TICRR: variants seen among roughly 807,000 people sequenced by gnomAD.
TICRR encodes the protein treslin.
TICRR carries 132 observed loss-of-function variants against 178.1 expected under a neutral mutation model. That is an observed-to-expected ratio of 0.74 (90% confidence interval 0.64 to 0.86). The LOEUF is 0.86. TICRR is among the 40% of genes least tolerant of loss of function. The probability of loss-of-function intolerance (pLI) is 0.00; values close to 1 mark genes in which losing one functional copy is unlikely to be tolerated. For synonymous variants in TICRR, 991 were observed against 900.7 expected (o/e 1.10, Z -1.79); for missense variants, 2,587 against 2,334.3 (o/e 1.11, Z -2.23).
intron 1 of TICRR, among the ~76,000 whole-genome samples, chr15:89,580,320 G>A (rs892851232): frequency 5.3e-5 from 8 of 152,270 alleles, no homozygotes; most frequent in African/African-American, 1.7e-4. Context: ...CACCACAACC[G>A]GCCATAAAGT....
Position 89,619,221 on chromosome 15 carries a change from C to CTTTTTTTTTTTT in TICRR, c.3020-479_3020-468dup, listed in dbSNP as rs386383750. Reference sequence around the variant, plus strand: ...CTTGTTTTCGCCCTACACCATTCTTCTTTTTTTTTTTTTTTTTTTGGTGAG... The same window carrying CTTTTTTTTTTTT: ...CTTGTTTTCGCCCTACACCATTCTTCTTTTTTTTTTTTTTTTTTTTTTTTTTTTTTTGGTGAG... On this transcript the variant is annotated intron_variant, in intron 17 of 21. Transcript: ENST00000268138. Among the ~76,000 whole-genome samples the CTTTTTTTTTTTT allele has an allele frequency of 1.3e-4, 14 of 111,994 alleles. 1 individual carries two copies. Among genetic ancestry groups the CTTTTTTTTTTTT allele is most frequent in the African/African-American group, 2.1e-4 (6 of 28,442 alleles). 73.5% of individuals were successfully genotyped at this position (111,994 alleles called of 152,430 possible). A position where few individuals can be genotyped will look rare whatever the true frequency, so the allele number is the denominator to read the frequency against.
intron 15 of TICRR, among the ~76,000 whole-genome samples, chr15:89,609,153 C>A (rs1289907375): frequency 9.3e-6 from 1 of 107,692 alleles, no homozygotes; most frequent in East Asian, 2.8e-4. Context: ...CTCTATCACC[C>A]AGGTTGGAGT....
At position 89,624,026 on chromosome 15, in the gene TICRR, AGT is replaced by A. The variant is rs1963468308; in HGVS notation, c.3719_3720del (p.Cys1240SerfsTer47). On this transcript the variant is annotated frameshift_variant, in exon 20 of 22. Coordinates refer to ENST00000268138, the MANE Select transcript of TICRR (RefSeq NM_152259.4). LOFTEE classifies it high-confidence loss of function. ...TCATCGACTGCCCAGCCCAGGAGAGAGTGTCTCACTCCCATCAGAGACCCTCT... is the reference window on the plus strand; with the variant it reads ...TCATCGACTGCCCAGCCCAGGAGAGAGTCTCACTCCCATCAGAGACCCTCT... 1 of 1,613,780 alleles carries A rather than the reference AGT, an allele frequency of 6.2e-7. No individual in the cohort carries two copies. The highest frequency in any genetic ancestry group is 8.5e-7 in the Non-Finnish European group (1 of 1,179,994).
chr15:89,609,046 C>T, intron 15 of TICRR, 97 bp downstream of exon 15: 3 of 992,450 alleles, frequency 3.0e-6, no homozygotes, highest in South Asian at 4.1e-5. Context: ...TAATTTGAGT[C>T]TTCTTCCCTC....
In TICRR at chr15:89,625,338, G is replaced by C; in HGVS notation, c.5028G>C (p.Lys1676Asn). Residue 1676 changes from lysine to asparagine, a missense_variant, in exon 20 of 22, where the codon AAG becomes AAC. By Grantham distance (94) the Lys-to-Asn change is moderately conservative (BLOSUM62 0). Coordinates refer to ENST00000268138, the MANE Select transcript of TICRR (RefSeq NM_152259.4). ...CACCATCCCCCAAGCACAGTGGGAA[G>C]ACAACTCCAGACATAATTAAAGACT... ...PWTPSPKHSG[K>N]TTPDIIKDWP... 6.2e-7 allele frequency: 1 copy of C among 1,614,096 alleles called. No homozygotes were observed. The highest frequency in any genetic ancestry group is 8.5e-7 in the Non-Finnish European group (1 of 1,180,036).
chr15:89,590,642 T>C (rs778703112), intron 4 of TICRR, among the ~76,000 whole-genome samples: 19 of 152,218 alleles, frequency 1.2e-4, no homozygotes, highest in Non-Finnish European at 2.6e-4. Context: ...GCCCAAATAC[T>C]GCATTCTCCA....
At position 89,618,280 on chromosome 15, in the gene TICRR, G is replaced by A. The variant is rs879018113; in HGVS notation, c.3019+70G>A. 8 of 1,380,958 alleles carry A rather than the reference G, an allele frequency of 5.8e-6. No homozygotes were observed. The South Asian group carries it at 5.8e-5, about 10-fold the overall frequency. The allele number at this position is 1,380,958 out of a possible 1,614,324, so 85.5% of individuals were successfully genotyped here. On this transcript the variant is annotated intron_variant, in intron 17 of 21. Coordinates refer to ENST00000268138, the MANE Select transcript of TICRR (RefSeq NM_152259.4). ...CTATGAAAACCTTTCTGTATGTATTGTTACTTGGCATATCCTAAGATATTT... is the reference window on the plus strand; with the variant it reads ...CTATGAAAACCTTTCTGTATGTATTATTACTTGGCATATCCTAAGATATTT...
Position 89,627,518 on chromosome 15 carries a change from C to T in TICRR, c.*432C>T, listed in dbSNP as rs749641149. On this transcript the variant is annotated 3_prime_UTR_variant, in exon 22 of 22. Transcript: ENST00000268138. ...GCTTTGTAAACTGTGAAGCCATATA[C>T]GTGAAACTGAAGAGTGCATTGGGCA... The T allele has an allele frequency of 9.2e-5, 16 of 174,508 alleles. No homozygotes were observed. The highest frequency in any genetic ancestry group is 1.7e-4 in the African/African-American group (7 of 42,132). The allele number at this position is 174,508 out of a possible 1,614,324, so 10.8% of individuals were successfully genotyped here.
chr15:89,584,262 G>A, intron 2 of TICRR, 24 bp from the exon 3 acceptor site: 1 of 1,567,210 alleles, frequency 6.4e-7, no homozygotes, highest in Non-Finnish European at 8.6e-7. Flanking sequence ...TTGGCATCCT[G>A]GTCTAATTAA....
In TICRR at chr15:89,602,219, T is replaced by C. The variant is rs548072698; in HGVS notation, c.2567+243T>C. ...ACAGGGATACATCCTGAGAAATGCATTGTTAGGCAATTTTTGTTGTACTAA... is the reference window on the plus strand; with the variant it reads ...ACAGGGATACATCCTGAGAAATGCACTGTTAGGCAATTTTTGTTGTACTAA... On this transcript the variant is annotated intron_variant, in intron 12 of 21. Transcript: ENST00000268138. Among the ~76,000 whole-genome samples the C allele has an allele frequency of 1.1e-4, 17 of 152,364 alleles. No individual in the cohort carries two copies. In the South Asian group the frequency reaches 3.5e-3, roughly 32 times the overall value.
intron 15 of TICRR, among the ~76,000 whole-genome samples, chr15:89,611,982 G>GT (rs1963262872): frequency 6.6e-6 from 1 of 152,012 alleles, no homozygotes; most frequent in Non-Finnish European, 1.5e-5. Flanking sequence ...CTTAGTGACG[G>GT]TTTTTGCCAA....
intron 19 of TICRR, 91 bp from the exon 20 acceptor site, chr15:89,623,532 A>C: frequency 7.7e-7 from 1 of 1,290,558 alleles, no homozygotes; most frequent in Non-Finnish European, 1.1e-6. Context: ...GCTGACTATA[A>C]ATCTCCCATT....
chr15:89,619,595 G>A (rs2141979714), intron 17 of TICRR, 113 bp from the exon 18 acceptor site: 1 of 1,155,812 alleles, frequency 8.7e-7, no homozygotes, highest in Non-Finnish European at 1.2e-6. Flanking sequence ...ATAGCTTGCT[G>A]AATTTCCATC....
intron 4 of TICRR, among the ~76,000 whole-genome samples, chr15:89,591,021 A>G (rs1019625128): frequency 2.0e-5 from 3 of 152,172 alleles, no homozygotes; most frequent in African/African-American, 7.2e-5. Flanking sequence ...ACACTCCCCA[A>G]TACAGAGCCA....
chr15:89,598,151 T>TTGTTTG (rs58858687), intron 7 of TICRR, among the ~76,000 whole-genome samples: 128 of 151,106 alleles, frequency 8.5e-4, no homozygotes, highest in East Asian at 4.3e-3. Context: ...TGTTTGTTTT[T>TTGTTTG]TTTAGTAGAG....
intron 18 of TICRR, 129 bp downstream of exon 18, chr15:89,619,971 G>A: frequency 2.7e-6 from 3 of 1,131,888 alleles, no homozygotes. Flanking sequence ...ATGTCTAGTT[G>A]AGGTTCAGGG....
chr15:89,616,640 C>T (rs1963340747), intron 16 of TICRR, 145 bp downstream of exon 16: 2 of 629,756 alleles, frequency 3.2e-6, no homozygotes, highest in Non-Finnish European at 5.6e-6. Flanking sequence ...ATAAGCTCTC[C>T]ATGGGAGCAG....
rs749817364 is a variant in TICRR, at chr15:89,625,791, G to A, written c.5476+5G>A. 1.3e-6 allele frequency: 2 copies of A among 1,589,886 alleles called. No homozygotes were observed. The highest frequency in any genetic ancestry group is 1.4e-5 in the African/African-American group (1 of 73,864). On this transcript the variant is annotated splice_donor_5th_base_variant and intron_variant, in intron 20 of 21. Transcript: ENST00000268138. ...ACGAAGAGGTGTTTGTTTCCGGTGA[G>A]TTCGTTTTTGAAACCCAGTTTCCTC...
rs200868616 is a variant in TICRR at position 89,623,750 on chromosome 15, C to T, written c.3440C>T (p.Pro1147Leu). The T allele has an allele frequency of 1.2e-6, 2 of 1,614,028 alleles. No homozygotes were observed. The highest frequency in any genetic ancestry group is 1.1e-5 in the South Asian group (1 of 91,074). Residue 1147 changes from proline to leucine, a missense_variant, in exon 20 of 22, where the codon CCT becomes CTT. Coordinates refer to ENST00000268138, the MANE Select transcript of TICRR (RefSeq NM_152259.4). ...CAGAAGTCCCCTGCAAAAATGACCC[C>T]TACAAAGCAGGCAGCTTTTAAGGAG... ...RLQKSPAKMTPTKQAAFKESL... is the reference protein window; with the variant it reads ...RLQKSPAKMTLTKQAAFKESL...
Sources: gnomAD v4.1 joint callset for allele counts (sites outside exome capture counted in the v4.1 genomes callset) on GRCh38, gnomAD v4.1.1 for gene constraint, MANE v1.5 for transcripts, NCBI Gene and HGNC (gene_info 2026-07-23, HGNC 2026-07-21) for gene names.